ARHGEF9: variants seen among roughly 807,000 people sequenced by gnomAD.
The protein encoded by ARHGEF9 is Cdc42 guanine nucleotide exchange factor 9.
A neutral mutation model predicts 41.3 loss-of-function variants in ARHGEF9; 2 were observed. The ratio of observed to expected loss-of-function variants is 0.05; its 90% CI spans 0.02 to 0.15. ARHGEF9 has a LOEUF of 0.15. Among genes scored for constraint, ARHGEF9 ranks in the 10% least tolerant of loss-of-function variants. The pLI is 1.00. For missense variants in ARHGEF9, 225 were observed against 424.7 expected, an observed-to-expected ratio of 0.53 and a Z score of 4.13; for synonymous variants, 160 against 154.4, an observed-to-expected ratio of 1.04 and a Z score of -0.27.
chrX:63,779,176 C>A (rs782682806), intron 1 of ARHGEF9, among the ~76,000 whole-genome samples: 1 of 111,848 alleles, frequency 8.9e-6, no homozygotes, highest in Non-Finnish European at 1.9e-5. Flanking sequence ...GCCCGTTACC[C>A]GGTTCCAAAG....
At chrX:63,733,621 T>G (rs2054445870) in intron 1 of ARHGEF9, among the ~76,000 whole-genome samples, 1 of 112,625 alleles carries the variant, frequency 8.9e-6, no homozygotes, top group African/African-American at 3.2e-5. Flanking sequence ...GTACATATAT[T>G]TTTTCATGAC....
At position 63,724,669 on chromosome X, in the gene ARHGEF9, C is replaced by T; in HGVS notation, c.73G>A (p.Asp25Asn). The part of the protein sequence containing the change: ...DSIVSAEAVW[D>N]HVTMANRELA... ...TCCCGGTTGGCCATGGTGACGTGATCCCATACTGCCTCAGCACTAACGATG... is the reference window on the plus strand; with the variant it reads ...TCCCGGTTGGCCATGGTGACGTGATTCCATACTGCCTCAGCACTAACGATG... The change falls in exon 2 of 10, where the codon GAT becomes AAT. Residue 25 changes from aspartate (D) to asparagine (N), a missense_variant. Asp to Asn is a conservative substitution (Grantham distance 23, BLOSUM62 1). Around this residue, in one of 3 missense-constraint regions of ARHGEF9, gnomAD observed 114 missense variants for 197.9 expected, o/e 0.58. Transcript: ENST00000671741. 1 of 1,211,568 alleles carries T rather than the reference C, an allele frequency of 8.3e-7. No homozygotes were observed. Among genetic ancestry groups the T allele is most frequent in the Non-Finnish European group, 1.1e-6 (1 of 895,433 alleles).
intron 1 of ARHGEF9, among the ~76,000 whole-genome samples, chrX:63,739,117 A>C (rs1421822980): frequency 9.0e-6 from 1 of 111,712 alleles, no homozygotes; most frequent in Admixed American, 9.5e-5. Flanking sequence ...CCAGAGATCA[A>C]GGCCCTCAAA....
chrX:63,705,190 A>T (rs2052447307), intron 3 of ARHGEF9, among the ~76,000 whole-genome samples: 1 of 111,487 alleles, frequency 9.0e-6, no homozygotes, highest in Admixed American at 9.5e-5. Context: ...GGCAGTACTG[A>T]TGTAGAGAAA....
intron 1 of ARHGEF9, among the ~76,000 whole-genome samples, chrX:63,777,504 C>T (rs1288035379): frequency 3.6e-5 from 4 of 111,445 alleles, no homozygotes; most frequent in African/African-American, 1.3e-4. Context: ...TTCCAACAGT[C>T]CCTCAAAGTC....
intron 4 of ARHGEF9, among the ~76,000 whole-genome samples, chrX:63,684,270 C>T (rs1556373016): frequency 1.8e-5 from 2 of 110,690 alleles, no homozygotes; most frequent in African/African-American, 6.6e-5. Context: ...TACGATGATG[C>T]TCAACATCAT....
intron 4 of ARHGEF9, among the ~76,000 whole-genome samples, chrX:63,696,737 C>T (rs1421170232): frequency 9.0e-6 from 1 of 111,142 alleles, no homozygotes; most frequent in Non-Finnish European, 1.9e-5. Context: ...CTGGTAACTG[C>T]CAAGAAGGAA....
chrX:63,735,971 A>C (rs186675400), intron 1 of ARHGEF9, among the ~76,000 whole-genome samples: 1 of 112,252 alleles, frequency 8.9e-6, no homozygotes, highest in Non-Finnish European at 1.9e-5. Context: ...CCTCTAGTCC[A>C]TGTCAGAAGC....
chrX:63,651,675 G>T (rs1476540384), intron 8 of ARHGEF9, among the ~76,000 whole-genome samples: 4 of 110,237 alleles, frequency 3.6e-5, no homozygotes, highest in Non-Finnish European at 7.6e-5. Context: ...GAAACTAGGG[G>T]CCAAAAAAGG....
At chrX:63,754,684 G>T in intron 1 of ARHGEF9, 1 of 964,102 alleles carries the variant, frequency 1.0e-6, no homozygotes, top group Non-Finnish European at 1.3e-6. Context: ...ATGCTAGAAA[G>T]GAGAGGAGGA....
At chrX:63,667,000 G>A (rs180826577) in intron 6 of ARHGEF9, among the ~76,000 whole-genome samples, 141 of 111,724 alleles carry the variant, frequency 1.3e-3, no homozygotes, top group African/African-American at 4.3e-3. Context: ...TGGAGGAGAC[G>A]AATGCAGGTA....
intron 7 of ARHGEF9, chrX:63,656,770 C>T (rs1226758983): frequency 1.8e-5 from 2 of 110,609 alleles, no homozygotes; most frequent in African/African-American, 3.3e-5. Context: ...GAGCAGAAAA[C>T]GGGGAGGGGC....
chrX:63,778,001 C>T (rs1353024033), intron 1 of ARHGEF9, among the ~76,000 whole-genome samples: 1 of 112,701 alleles, frequency 8.9e-6, no homozygotes, highest in Non-Finnish European at 1.9e-5. Context: ...CCTCTTCTCA[C>T]AACTCCACTA....
At chrX:63,747,702 C>T (rs2055356736) in intron 1 of ARHGEF9, among the ~76,000 whole-genome samples, 1 of 112,551 alleles carries the variant, frequency 8.9e-6, no homozygotes, top group South Asian at 3.6e-4. Flanking sequence ...TTCCGATGTG[C>T]AGCCAGTGCT....
intron 8 of ARHGEF9, among the ~76,000 whole-genome samples, chrX:63,644,822 T>C (rs2047897697): frequency 9.2e-6 from 1 of 108,255 alleles, no homozygotes; most frequent in African/African-American, 3.4e-5. Flanking sequence ...TGTAGTGGCA[T>C]GATCATGATC....
chrX:63,654,151 T>C (rs1334487022), intron 8 of ARHGEF9, among the ~76,000 whole-genome samples: 1 of 100,814 alleles, frequency 9.9e-6, no homozygotes, highest in Admixed American at 1.1e-4. Flanking sequence ...TTACTGTTAT[T>C]ATCAAACCAA....
At position 63,676,777 on chromosome X, in the gene ARHGEF9, A is replaced by G. The variant is rs187249408; in HGVS notation, c.815+1563T>C. Among the ~76,000 whole-genome samples, 9 of 112,635 alleles carry G rather than the reference A, an allele frequency of 8.0e-5. No individual in the cohort carries two copies. In the East Asian group the frequency reaches 2.5e-3, roughly 31 times the overall value. On this transcript the variant is annotated intron_variant, in intron 5 of 9. Coordinates refer to ENST00000671741, the MANE Select transcript of ARHGEF9 (RefSeq NM_001353921.2). ...AAAGCACAGAGCTGTACTGTCCAAC[A>G]TGGTAGCTATTAGCCATATTTAATC...
chrX:63,651,439 C>T (rs2048533860), intron 8 of ARHGEF9, among the ~76,000 whole-genome samples: 1 of 110,529 alleles, frequency 9.0e-6, no homozygotes, highest in Non-Finnish European at 1.9e-5. Context: ...TGCAGAGTTA[C>T]TATATATGAA....
intron 2 of ARHGEF9, among the ~76,000 whole-genome samples, chrX:63,715,001 G>T (rs1459262405): frequency 1.8e-5 from 2 of 111,797 alleles, no homozygotes; most frequent in South Asian, 7.5e-4. Flanking sequence ...CCCATGACAA[G>T]GCTTCTTAAA....
Sources: gnomAD v4.1 joint callset for allele counts (sites outside exome capture counted in the v4.1 genomes callset) on GRCh38, gnomAD v4.1.1 for gene constraint, gnomAD v4.1.1 regional missense constraint, MANE v1.5 for transcripts, NCBI Gene and HGNC (gene_info 2026-07-23, HGNC 2026-07-21) for gene names.